ASXL3: variants seen among roughly 807,000 people sequenced by gnomAD.
ASXL3 encodes the protein putative Polycomb group protein ASXL3.
Under a neutral mutation model 170.6 loss-of-function variants are expected in ASXL3, and 34 were observed. The ratio of observed to expected loss-of-function variants is 0.20; its 90% CI spans 0.15 to 0.27. ASXL3 has a LOEUF of 0.27. Ranked by LOEUF, ASXL3 falls within the 10% of genes least tolerant of loss-of-function variation. The pLI is 1.00. For missense variants in ASXL3, 2,592 were observed against 2,695.3 expected, an observed-to-expected ratio of 0.96 and a Z score of 0.85; for synonymous variants, 1,002 against 989.1, an observed-to-expected ratio of 1.01 and a Z score of -0.24.
chr18:33,675,027 T>C (rs1251606057), intron 7 of ASXL3, among the ~76,000 whole-genome samples: 1 of 152,220 alleles, frequency 6.6e-6, no homozygotes, highest in African/African-American at 2.4e-5. Flanking sequence ...GCCATTAAGT[T>C]GTTAACTCCT....
At chr18:33,707,167 G>A (rs1009094253) in intron 8 of ASXL3, among the ~76,000 whole-genome samples, 1 of 151,904 alleles carries the variant, frequency 6.6e-6, no homozygotes, top group African/African-American at 2.4e-5. Flanking sequence ...TCTTGTAGAG[G>A]TAGCTCACTA....
intron 8 of ASXL3, among the ~76,000 whole-genome samples, chr18:33,703,285 T>C (rs1053425715): frequency 1.3e-5 from 2 of 152,156 alleles, no homozygotes; most frequent in African/African-American, 4.8e-5. Context: ...TCTTATGGTC[T>C]TCCTCTCTAC....
chr18:33,733,007 T>C (rs2067477743), intron 9 of ASXL3, among the ~76,000 whole-genome samples: 1 of 152,180 alleles, frequency 6.6e-6, no homozygotes, highest in Non-Finnish European at 1.5e-5. Context: ...AAACAGATTA[T>C]AAATTATTTT....
Position 33,742,968 on chromosome 18 carries a change from C to A in ASXL3, c.3120C>A (p.Ser1040Arg), listed in dbSNP as rs753368206. Reference protein sequence around the residue: ...VSKPESRASTSTSVSGGRNTG... With the variant: ...VSKPESRASTRTSVSGGRNTG... ...AACCTGAGTCTCGAGCATCCACTAG[C>A]ACATCTGTCAGTGGCGGGAGGAACA... Residue 1040 changes from serine to arginine, a missense_variant, in exon 12 of 12, where the codon AGC (serine) becomes AGA (arginine). Around this residue, in one of 4 missense-constraint regions of ASXL3, gnomAD observed 2,246 missense variants for 2,219.6 expected, o/e 1.01. Transcript: ENST00000269197. The A allele has an allele frequency of 2.5e-6, 4 of 1,613,782 alleles. No individual in the cohort carries two copies. The highest frequency in any genetic ancestry group is 3.4e-6 in the Non-Finnish European group (4 of 1,179,874).
chr18:33,627,734 A>G (rs2065623013), intron 2 of ASXL3, among the ~76,000 whole-genome samples: 1 of 152,168 alleles, frequency 6.6e-6, no homozygotes, highest in South Asian at 2.1e-4. Flanking sequence ...AGGAATTTGC[A>G]GCATAAATAC....
chr18:33,649,553 A>G (rs1417089870), intron 4 of ASXL3: 1 of 152,158 alleles, frequency 6.6e-6, no homozygotes, highest in Non-Finnish European at 1.5e-5. Flanking sequence ...AGACCAACCT[A>G]CATGGTTGTC....
intron 4 of ASXL3, among the ~76,000 whole-genome samples, chr18:33,660,395 G>A (rs2066153201): frequency 6.6e-6 from 1 of 152,116 alleles, no homozygotes; most frequent in Admixed American, 6.6e-5. Flanking sequence ...TTCTAGGCAA[G>A]GTGTGCTTGA....
chr18:33,664,183 A>G (rs2066220544), intron 5 of ASXL3, among the ~76,000 whole-genome samples: 1 of 152,140 alleles, frequency 6.6e-6, no homozygotes, highest in Non-Finnish European at 1.5e-5. Context: ...TTCAAAGGAA[A>G]AAACTAAGAC....
chr18:33,670,678 G>A lies in ASXL3; in HGVS notation c.483G>A (p.Leu161=). 1 of 1,554,324 alleles carries A rather than the reference G, an allele frequency of 6.4e-7. No homozygotes were observed. The highest frequency in any genetic ancestry group is 1.2e-5 in the South Asian group (1 of 82,994). ...QHTKKALKQA[L]RQQQKRRNGV... Reference sequence around the variant, plus strand: ...CTTTTTATTATGTTTTGTAGGCTTTGAGGCAGCAGCAGAAAAGAAGAAATG... The same window carrying A: ...CTTTTTATTATGTTTTGTAGGCTTTAAGGCAGCAGCAGAAAAGAAGAAATG... Residue 161 remains leucine, a synonymous_variant, in exon 6 of 12, where the codon TTG becomes TTA. Transcript: ENST00000269197.
intron 8 of ASXL3, among the ~76,000 whole-genome samples, chr18:33,727,372 A>G (rs1352141493): frequency 2.0e-5 from 3 of 152,156 alleles, no homozygotes; most frequent in Admixed American, 2.0e-4. Context: ...TCTTCTTCAA[A>G]CATTGTATGA....
At chr18:33,717,953 A>G (rs745457306) in intron 8 of ASXL3, among the ~76,000 whole-genome samples, 2 of 152,098 alleles carry the variant, frequency 1.3e-5, no homozygotes, top group African/African-American at 4.8e-5. Flanking sequence ...CCTAAGCAAA[A>G]GCTAAAATCT....
Position 33,744,630 on chromosome 18 carries a change from C to T in ASXL3, c.4782C>T (p.Asp1594=), listed in dbSNP as rs763786046. The T allele has an allele frequency of 1.2e-6, 2 of 1,607,010 alleles. No homozygotes were observed. The highest frequency in any genetic ancestry group is 4.5e-5 in the East Asian group (2 of 44,730). The part of the protein sequence containing the change: ...RGPAPFKSEA[D]TTCSNQYNPS... ...CAGCTCCTTTCAAAAGTGAAGCAGA[C>T]ACAACCTGTAGCAATCAGTATAACC... The change falls in exon 12 of 12, where the codon GAC becomes GAT. Residue 1594 remains aspartate (D), a synonymous_variant. Transcript: ENST00000269197.
At chr18:33,634,209 G>A (rs1335944854) in intron 2 of ASXL3, among the ~76,000 whole-genome samples, 2 of 152,036 alleles carry the variant, frequency 1.3e-5, no homozygotes, top group Admixed American at 1.3e-4. Flanking sequence ...TTAGAGAAGA[G>A]TCACATTGTG....
intron 1 of ASXL3, among the ~76,000 whole-genome samples, chr18:33,590,121 T>TTTTTG (rs963082653): frequency 1.4e-5 from 2 of 148,122 alleles, no homozygotes; most frequent in African/African-American, 5.2e-5. Context: ...GTTTTTTTTT[T>TTTTTG]TTTTTTTTTG....
intron 8 of ASXL3, 70 bp downstream of exon 8, chr18:33,683,638 C>G (rs2066548852): frequency 1.4e-6 from 2 of 1,417,776 alleles, no homozygotes; most frequent in African/African-American, 2.9e-5. Context: ...GGTCTATTAT[C>G]AAAGATGACT....
At chr18:33,726,559 AAT>A (rs1307639900) in intron 8 of ASXL3, among the ~76,000 whole-genome samples, 3 of 152,200 alleles carry the variant, frequency 2.0e-5, no homozygotes, top group Non-Finnish European at 4.4e-5. Context: ...TTTTATATTG[AAT>A]ATATGTTGAA....
At chr18:33,719,866 G>T (rs1035423228) in intron 8 of ASXL3, among the ~76,000 whole-genome samples, 10 of 152,098 alleles carry the variant, frequency 6.6e-5, no homozygotes, top group African/African-American at 2.2e-4. Flanking sequence ...GGAGGAGTGA[G>T]GAATAAATTT....
At chr18:33,599,654 T>C (rs2065163738) in intron 1 of ASXL3, among the ~76,000 whole-genome samples, 1 of 152,176 alleles carries the variant, frequency 6.6e-6, no homozygotes, top group Non-Finnish European at 1.5e-5. Context: ...CACAGTGTCC[T>C]TTTTTGCAGC....
chr18:33,729,017 C>T (rs185072154), intron 8 of ASXL3, among the ~76,000 whole-genome samples: 1 of 152,258 alleles, frequency 6.6e-6, no homozygotes, highest in Admixed American at 6.5e-5. Context: ...AACCTGGGGC[C>T]TATGGTACAT....
Sources: allele counts gnomAD v4.1 joint callset (sites outside exome capture counted in the v4.1 genomes callset), GRCh38; gene constraint gnomAD v4.1.1; regional missense constraint gnomAD v4.1.1; transcripts MANE v1.5; gene names NCBI Gene and HGNC (gene_info 2026-07-23, HGNC 2026-07-21).